SLC9A7: variants seen among roughly 807,000 people sequenced by gnomAD.
SLC9A7 encodes solute carrier family 9 member A7, also known as sodium/hydrogen exchanger 7.
Under a neutral mutation model 52.6 loss-of-function variants are expected in SLC9A7, and 19 were observed. The ratio of observed to expected loss-of-function variants is 0.36; its 90% CI spans 0.25 to 0.53. The LOEUF (loss-of-function observed/expected upper bound fraction) is 0.53, where lower values mean the gene tolerates loss of function less well. Ranked by LOEUF, SLC9A7 falls within the 20% of genes least tolerant of loss-of-function variation. The probability of loss-of-function intolerance (pLI) is 0.91; values close to 1 mark genes in which losing one functional copy is unlikely to be tolerated. For synonymous variants in SLC9A7, 226 were observed against 252.1 expected (o/e 0.90, Z 0.98); for missense variants, 455 against 597.9 (o/e 0.76, Z 2.49).
intron 6 of SLC9A7, 105 bp downstream of exon 6, chrX:46,662,433 A>T (rs1943839843): frequency 1.7e-6 from 1 of 600,849 alleles, no homozygotes; most frequent in East Asian, 3.6e-5. Flanking sequence ...ATTTAGAAAA[A>T]CACCCAATTC....
chrX:46,692,546 A>G (rs1944395068), intron 1 of SLC9A7, among the ~76,000 whole-genome samples: 1 of 111,347 alleles, frequency 9.0e-6, no homozygotes, highest in African/African-American at 3.3e-5. Context: ...TATCCATCAC[A>G]TTTATAAAAC....
At position 46,682,503 on chromosome X, in the gene SLC9A7, T is replaced by A; in HGVS notation, c.358A>T (p.Thr120Ser). 7 of 1,210,554 alleles carry A rather than the reference T, an allele frequency of 5.8e-6. No homozygotes were observed. The highest frequency in any genetic ancestry group is 7.8e-6 in the Non-Finnish European group (7 of 895,089). ...LIVGVILRYG[T>S]PATSGRDKSL... The stretch of plus-strand genomic sequence containing the variant: ...TTGTCACGGCCACTGGTAGCAGGGG[T>A]ACCATACCTCAGGATCACCCCAACG... Residue 120 changes from threonine (T) to serine (S), a missense_variant, in exon 2 of 17, where the codon ACC becomes TCC. Transcript: ENST00000616978.
intron 4 of SLC9A7, among the ~76,000 whole-genome samples, chrX:46,670,327 T>C (rs1255894008): frequency 8.9e-6 from 1 of 112,247 alleles, no homozygotes; most frequent in Non-Finnish European, 1.9e-5. Context: ...AGGCCAGCAA[T>C]AGCCCTCCTT....
At chrX:46,618,816 T>A (rs1033474174) in intron 15 of SLC9A7, among the ~76,000 whole-genome samples, 27 of 110,091 alleles carry the variant, frequency 2.5e-4, no homozygotes, top group African/African-American at 8.9e-4. Flanking sequence ...TAGTGGTGTG[T>A]GCCTGTAATC....
intron 1 of SLC9A7, among the ~76,000 whole-genome samples, chrX:46,688,986 T>C (rs1944341275): frequency 8.9e-6 from 1 of 111,861 alleles, no homozygotes; most frequent in African/African-American, 3.2e-5. Context: ...TCTTAAAATT[T>C]TTTTTTTGCT....
intron 11 of SLC9A7, among the ~76,000 whole-genome samples, chrX:46,644,651 A>C (rs1943459713): frequency 9.0e-6 from 1 of 110,741 alleles, no homozygotes; most frequent in South Asian, 3.8e-4. Flanking sequence ...AAAAAAAAAA[A>C]AGACTGAATC....
intron 15 of SLC9A7, among the ~76,000 whole-genome samples, chrX:46,617,332 G>A (rs1942969782): frequency 1.8e-5 from 2 of 111,310 alleles, no homozygotes; most frequent in African/African-American, 6.5e-5. Context: ...ACTCTCTAAG[G>A]ATTAATCAAA....
intron 4 of SLC9A7, among the ~76,000 whole-genome samples, chrX:46,670,132 T>C (rs1943995354): frequency 9.0e-6 from 1 of 111,250 alleles, no homozygotes; most frequent in Non-Finnish European, 1.9e-5. Flanking sequence ...GTCAGAGAAA[T>C]CAGTAGACTG....
At chrX:46,746,308 G>A (rs925297709) in intron 1 of SLC9A7, among the ~76,000 whole-genome samples, 6 of 110,872 alleles carry the variant, frequency 5.4e-5, no homozygotes, top group Non-Finnish European at 1.1e-4. Context: ...CAGGCTGGGC[G>A]ACAGAGCGAG....
chrX:46,622,524 C>T (rs912648718), intron 14 of SLC9A7, among the ~76,000 whole-genome samples: 2 of 111,766 alleles, frequency 1.8e-5, no homozygotes, highest in Non-Finnish European at 3.8e-5. Flanking sequence ...CGATAAACAT[C>T]ATCAGGAAGG....
chrX:46,601,981 G>A lies in SLC9A7; in HGVS notation c.*4971C>T, dbSNP rs1942666110. On this transcript the variant is annotated 3_prime_UTR_variant, in exon 17 of 17. Coordinates refer to ENST00000616978, the MANE Select transcript of SLC9A7 (RefSeq NM_001257291.2). ...TCTGAGGAATCCAGTGTGGACTCAG[G>A]CATGAGGATAGGTGAAGGAAAAGAA... is the stretch of plus-strand genomic sequence containing the variant. 2.7e-5 allele frequency: 3 copies of A among 111,032 alleles called. No individual in the cohort carries two copies. Among genetic ancestry groups the A allele is most frequent in the African/African-American group, 9.8e-5 (3 of 30,491 alleles). 9.2% of individuals were successfully genotyped at this position (111,032 alleles called of 1,213,427 possible).
At chrX:46,646,454 T>G in intron 11 of SLC9A7, 1 of 119,957 alleles carries the variant, frequency 8.3e-6, no homozygotes. Context: ...AAATGAAAAA[T>G]GGGAGCCACT....
intron 1 of SLC9A7, among the ~76,000 whole-genome samples, chrX:46,729,203 T>G (rs73495105): frequency 0.02 from 2,271 of 112,355 alleles, 52 homozygotes; most frequent in African/African-American, 0.069. Flanking sequence ...TTGAGTGAAT[T>G]AATGAATGAA....
rs138228542 is a variant in SLC9A7, at chrX:46,612,181, C to G, written c.1929+1108G>C. Among the ~76,000 whole-genome samples, 624 of 112,339 alleles carry G rather than the reference C, an allele frequency of 5.6e-3. 7 individuals carry two copies. The highest frequency in any genetic ancestry group is 0.019 in the African/African-American group (592 of 30,937). On this transcript the variant is annotated intron_variant, in intron 16 of 16. Coordinates refer to ENST00000616978, the MANE Select transcript of SLC9A7 (RefSeq NM_001257291.2). ...AGTACTCACTGATTCATGGTATGAC[C>G]CAACGAATGAACTTAGCCTTTGTGA...
chrX:46,636,011 T>C (rs1173039702), intron 12 of SLC9A7, among the ~76,000 whole-genome samples: 2 of 112,156 alleles, frequency 1.8e-5, no homozygotes, highest in Admixed American at 9.4e-5. Flanking sequence ...AAAAAAGAAA[T>C]TGTTGCTTAA....
Position 46,709,085 on chromosome X carries a change from T to A in SLC9A7, c.326-26550A>T, listed in dbSNP as rs73493085. On this transcript the variant is annotated intron_variant, in intron 1 of 16. Transcript: ENST00000616978. ...GCTGAGGTAGGACAGTGGTACACTA[T>A]CAGAGAACAAGGAAAGAAGTTCCAC... Among the ~76,000 whole-genome samples, 1,101 of 111,355 alleles carry A rather than the reference T, an allele frequency of 9.9e-3. 15 individuals are homozygous for A. Among genetic ancestry groups the A allele is most frequent in the African/African-American group, 0.034 (1,044 of 30,546 alleles).
At chrX:46,744,082 G>T (rs1264641826) in intron 1 of SLC9A7, among the ~76,000 whole-genome samples, 2 of 112,792 alleles carry the variant, frequency 1.8e-5, no homozygotes, top group Admixed American at 1.9e-4. Context: ...TGTATTGCCA[G>T]AAGTGTTCTC....
chrX:46,704,670 T>G (rs1008747019), intron 1 of SLC9A7, among the ~76,000 whole-genome samples: 1 of 112,450 alleles, frequency 8.9e-6, no homozygotes, highest in Non-Finnish European at 1.9e-5. Flanking sequence ...ATAAATTTAT[T>G]TTAAAACAGA....
At chrX:46,647,039 C>T (rs772836443) in intron 11 of SLC9A7, 315 of 324,527 alleles carry the variant, frequency 9.7e-4, no homozygotes, top group Non-Finnish European at 1.1e-3. Flanking sequence ...TTCTGCTTTA[C>T]GGAGGTCGGT....
Sources: gnomAD v4.1 joint callset for allele counts (sites outside exome capture counted in the v4.1 genomes callset) on GRCh38, gnomAD v4.1.1 for gene constraint, MANE v1.5 for transcripts, NCBI Gene and HGNC (gene_info 2026-07-23, HGNC 2026-07-21) for gene names.